Variants in TRPM5 observed in about 807,000 individuals in gnomAD.
The protein encoded by TRPM5 is MLSN1 and TRP-related.
In TRPM5, 121 loss-of-function variants were observed where a neutral mutation model predicts 124.9. That is an observed-to-expected ratio of 0.97 (90% CI 0.84 to 1.13). The LOEUF (loss-of-function observed/expected upper bound fraction) is 1.13. Among genes scored for constraint, TRPM5 ranks in the 50% most tolerant of loss-of-function variants. The probability of loss-of-function intolerance (pLI) is 0.00; values close to 1 mark genes in which losing one functional copy is unlikely to be tolerated. For missense variants in TRPM5, 1,643 were observed against 1,589.1 expected (o/e 1.03, Z -0.58); for synonymous variants, 781 against 700.5 (o/e 1.11, Z -1.81).
the TRPM5 span, among the ~76,000 whole-genome samples, chr11:2,430,098 C>T: frequency 6.6e-6 from 1 of 152,138 alleles, no homozygotes; most frequent in African/African-American, 2.4e-5. Flanking sequence ...GGTTCAGTGC[C>T]AGGTCATGTT....
chr11:2,404,138 T>C (rs144386688), downstream of TRPM5, among the ~76,000 whole-genome samples: 30 of 152,234 alleles, frequency 2.0e-4, no homozygotes, highest in East Asian at 5.4e-3. Context: ...GCCCACATGA[T>C]GCCATCAGCC....
At chr11:2,423,187 G>A, upstream of TRPM5, 1 of 647,280 alleles carries the variant, frequency 1.5e-6, no homozygotes, top group Non-Finnish European at 2.7e-6. Context: ...CTGCCCCCAG[G>A]CATCTCTGCC....
chr11:2,404,932 G>A (rs958041693), exon 24 of TRPM5: 1 of 1,610,542 alleles, frequency 6.2e-7, no homozygotes, highest in Non-Finnish European at 8.5e-7. Context: ...GGCAGGCCAA[G>A]CAGCTCAGGT....
intron 2 of TRPM5, among the ~76,000 whole-genome samples, chr11:2,421,785 G>T (rs1845775379): frequency 6.6e-6 from 1 of 152,298 alleles, no homozygotes; most frequent in African/African-American, 2.4e-5. Context: ...CAGGTGAGTG[G>T]GAGCAGGGAC....
intron 18 of TRPM5, among the ~76,000 whole-genome samples, chr11:2,410,025 C>T (rs1007322877): frequency 4.6e-5 from 7 of 152,354 alleles, no homozygotes; most frequent in African/African-American, 7.2e-5. Flanking sequence ...TGGAGGCGCC[C>T]GTCTAGAGCT....
chr11:2,417,706 G>GGGCCCCCCCCCC, intron 7 of TRPM5, 21 bp downstream of exon 12: 9 of 1,087,302 alleles, frequency 8.3e-6, no homozygotes, highest in Non-Finnish European at 1.2e-5. Flanking sequence ...CGCCTGCCTT[G>GGGCCCCCCCCCC]CCCACCCTGC....
exon 17 of TRPM5, chr11:2,411,738 C>T (rs145772037): frequency 1.9e-5 from 30 of 1,612,612 alleles, no homozygotes; most frequent in Non-Finnish European, 2.5e-5. Context: ...GAGGACTGTG[C>T]GGCCAGCCTC....
intron 7 of TRPM5, 35 bp from the exon 13 acceptor site, chr11:2,416,059 G>A (rs773742738): frequency 2.0e-6 from 3 of 1,512,386 alleles, no homozygotes; most frequent in Admixed American, 3.6e-5. Context: ...GGTGAGGGTG[G>A]AGCTGAGGGC....
chr11:2,421,016 G>A lies in TRPM5; in HGVS notation c.465+16C>T, dbSNP rs1845764929. On this transcript the variant is annotated intron_variant, in intron 3 of 23. Coordinates refer to ENST00000155858, the Ensembl canonical transcript of TRPM5. ...CAGGCCCCCAGCGGTCGTGGTGCTG[G>A]GAGCTGGACGTGCACCTGGGCCTCC... The A allele has an allele frequency of 2.6e-6, 4 of 1,530,678 alleles. No homozygotes were observed. The highest frequency in any genetic ancestry group is 2.6e-6 in the Non-Finnish European group (3 of 1,142,210). 94.8% of individuals were successfully genotyped at this position (1,530,678 alleles called of 1,614,324 possible). A position where few individuals can be genotyped will look rare whatever the true frequency, so the allele number is the denominator to read the frequency against.
chr11:2,431,841 T>G, the TRPM5 span, among the ~76,000 whole-genome samples: 1 of 152,172 alleles, frequency 6.6e-6, no homozygotes, highest in Admixed American at 6.5e-5. Context: ...CTCTGAAAGG[T>G]CTTTCATTTA....
chr11:2,430,894 C>T, the TRPM5 span, among the ~76,000 whole-genome samples: 81 of 76,674 alleles, frequency 1.1e-3, no homozygotes, highest in Non-Finnish European at 1.6e-3. Flanking sequence ...GTGATGGTGA[C>T]GGTATTGGTG....
At chr11:2,436,008 A>G in the TRPM5 span, among the ~76,000 whole-genome samples, 1 of 152,228 alleles carries the variant, frequency 6.6e-6, no homozygotes, top group East Asian at 1.9e-4. Context: ...CTCCCCAGCC[A>G]GCGTATCTCC....
At chr11:2,406,057 T>C (rs1002295589) in exon 22 of TRPM5, 7 of 1,612,510 alleles carry the variant, frequency 4.3e-6, no homozygotes, top group Non-Finnish European at 5.9e-6. Context: ...TCTTGCTCTC[T>C]CAGACCCCCG....
At chr11:2,408,881 C>T (rs914729566) in intron 18 of TRPM5, among the ~76,000 whole-genome samples, 1 of 152,352 alleles carries the variant, frequency 6.6e-6, no homozygotes, top group Admixed American at 6.5e-5. Context: ...CTGTGTGAGC[C>T]TGTACATGTG....
At chr11:2,411,233 G>C in intron 18 of TRPM5, 119 bp downstream of exon 23, 1 of 1,241,494 alleles carries the variant, frequency 8.1e-7, no homozygotes, top group Non-Finnish European at 1.1e-6. Context: ...TCCCATCTCT[G>C]CTCCAGGCTG....
At chr11:2,422,384 G>T in intron 1 of TRPM5, 63 bp from the exon 7 acceptor site, 1 of 1,404,812 alleles carries the variant, frequency 7.1e-7, no homozygotes, top group Non-Finnish European at 9.8e-7. Flanking sequence ...GCTGGGCATT[G>T]GGGGGGGCTG....
chr11:2,420,606 G>A (rs1349896845), intron 3 of TRPM5, among the ~76,000 whole-genome samples: 2 of 152,240 alleles, frequency 1.3e-5, no homozygotes, highest in Non-Finnish European at 2.9e-5. Flanking sequence ...CGACAGTCAG[G>A]GGCAGGGGCG....
At chr11:2,412,039 C>G in intron 16 of TRPM5, 96 bp downstream of exon 21, 1 of 1,128,514 alleles carries the variant, frequency 8.9e-7, no homozygotes. Flanking sequence ...GTAGCTGGGA[C>G]CACAAGTGCC....
the TRPM5 span, among the ~76,000 whole-genome samples, chr11:2,432,934 G>A: frequency 4.6e-5 from 7 of 152,352 alleles, no homozygotes; most frequent in African/African-American, 1.7e-4. Context: ...CCATGGGCAA[G>A]CTCTGCCAGT....
Sources: gnomAD v4.1 joint callset for allele counts (sites outside exome capture counted in the v4.1 genomes callset) on GRCh38, gnomAD v4.1.1 for gene constraint, MANE v1.5 for transcripts, NCBI Gene and HGNC (gene_info 2026-07-23, HGNC 2026-07-21) for gene names.